Variants in SCAPER observed in about 807,000 individuals in gnomAD.
SCAPER encodes the protein S phase cyclin A-associated protein in the endoplasmic reticulum.
In SCAPER, 98 loss-of-function variants were observed where a neutral mutation model predicts 182.2. That is an observed-to-expected ratio of 0.54 (90% CI 0.46 to 0.64). The LOEUF (loss-of-function observed/expected upper bound fraction) is 0.64, where lower values mean the gene tolerates loss of function less well. Ranked by LOEUF, SCAPER falls within the 30% of genes least tolerant of loss-of-function variation. The probability of loss-of-function intolerance (pLI) is 0.00; values close to 1 mark genes in which losing one functional copy is unlikely to be tolerated. For synonymous variants in SCAPER, 605 were observed against 564.6 expected, an observed-to-expected ratio of 1.07 and a Z score of -1.01; for missense variants, 1,432 against 1,690.0, an observed-to-expected ratio of 0.85 and a Z score of 2.68.
chr15:76,600,765 T>A lies in SCAPER; in HGVS notation c.2711+20999A>T, dbSNP rs1331092005. 4.1e-5 allele frequency among the ~76,000 whole-genome samples: 5 copies of A among 120,904 alleles called. 1 individual carries two copies. The highest frequency in any genetic ancestry group is 2.5e-4 in the South Asian group (1 of 3,960). The allele number at this position is 120,904 out of a possible 152,430, so 79.3% of individuals were successfully genotyped here. A position where few individuals can be genotyped will look rare whatever the true frequency, so the allele number is the denominator to read the frequency against. On this transcript the variant is annotated intron_variant, in intron 22 of 31. Coordinates refer to ENST00000563290, the MANE Select transcript of SCAPER (RefSeq NM_020843.4). Reference sequence around the variant, plus strand: ...GCGCCCCACCCAGAAAGTATTTTTTTAAAATAATTCTAAATCACTCTTGGA... The same window carrying A: ...GCGCCCCACCCAGAAAGTATTTTTTAAAAATAATTCTAAATCACTCTTGGA...
intron 8 of SCAPER, among the ~76,000 whole-genome samples, chr15:76,782,661 T>A (rs1444947026): frequency 1.3e-5 from 2 of 151,880 alleles, no homozygotes; most frequent in Non-Finnish European, 1.5e-5. Flanking sequence ...TGTAAAAGGA[T>A]AAAAATCACA....
chr15:76,353,580 A>G (rs575646277), intron 30 of SCAPER, among the ~76,000 whole-genome samples: 1 of 152,358 alleles, frequency 6.6e-6, no homozygotes, highest in Admixed American at 6.5e-5. Flanking sequence ...ATTTTAATTC[A>G]TCTTTCTTCA....
At chr15:76,837,964 T>C (rs898445097) in intron 5 of SCAPER, among the ~76,000 whole-genome samples, 1 of 152,188 alleles carries the variant, frequency 6.6e-6, no homozygotes, top group Non-Finnish European at 1.5e-5. Flanking sequence ...AATGTAAATT[T>C]GTTCAGCCAC....
intron 22 of SCAPER, among the ~76,000 whole-genome samples, chr15:76,608,181 A>G (rs181808044): frequency 1.3e-5 from 2 of 152,178 alleles, no homozygotes; most frequent in Admixed American, 6.5e-5. Flanking sequence ...ATGGTGACGT[A>G]CAGATGGGTT....
intron 29 of SCAPER, among the ~76,000 whole-genome samples, chr15:76,371,047 A>C (rs1044167564): frequency 6.6e-6 from 1 of 152,206 alleles, no homozygotes; most frequent in Non-Finnish European, 1.5e-5. Context: ...AAGCAACGTA[A>C]GATGAAATGA....
intron 14 of SCAPER, among the ~76,000 whole-genome samples, chr15:76,755,426 A>G (rs1389024789): frequency 1.3e-5 from 2 of 152,186 alleles, no homozygotes; most frequent in Non-Finnish European, 2.9e-5. Flanking sequence ...ATTTCTCCCA[A>G]ATTTAAATCA....
intron 21 of SCAPER, among the ~76,000 whole-genome samples, chr15:76,661,700 T>C (rs929349064): frequency 1.3e-5 from 2 of 152,106 alleles, no homozygotes; most frequent in African/African-American, 2.4e-5. Context: ...GGGGAGGCTG[T>C]GAAGAAATAG....
At chr15:76,348,947 C>T (rs2040351462) in intron 31 of SCAPER, 1 of 384,174 alleles carries the variant, frequency 2.6e-6, no homozygotes, top group African/African-American at 2.1e-5. Flanking sequence ...TAACCACAAT[C>T]CAGTTTGTCC....
chr15:76,497,177 A>G (rs894157271), intron 24 of SCAPER, among the ~76,000 whole-genome samples: 2 of 146,368 alleles, frequency 1.4e-5, no homozygotes, highest in African/African-American at 5.1e-5. Context: ...ATAGTCCTGT[A>G]ATGGCCATCC....
chr15:76,546,498 T>C lies in SCAPER; in HGVS notation c.2838+27660A>G, dbSNP rs537020386. ...AGCCATCATGTCTGACCATGCTTTA[T>C]TGTTTTTTAAAAAGAAATAAAACAG... On this transcript the variant is annotated intron_variant, in intron 23 of 31. Transcript: ENST00000563290. Among the ~76,000 whole-genome samples the C allele has an allele frequency of 7.4e-4, 113 of 152,148 alleles. 1 individual carries two copies. Among genetic ancestry groups the C allele is most frequent in the Non-Finnish European group, 2.2e-4 (15 of 68,006 alleles).
At chr15:76,562,239 G>A (rs2046699887) in intron 23 of SCAPER, among the ~76,000 whole-genome samples, 1 of 151,332 alleles carries the variant, frequency 6.6e-6, no homozygotes, top group South Asian at 2.1e-4. Context: ...TCTTTACTTT[G>A]GGATGGGATA....
intron 1 of SCAPER, among the ~76,000 whole-genome samples, chr15:76,896,640 G>A (rs2074445586): frequency 6.6e-6 from 1 of 152,050 alleles, no homozygotes; most frequent in Non-Finnish European, 1.5e-5. Context: ...ACCTGGCACA[G>A]TGGTTCATGC....
intron 5 of SCAPER, among the ~76,000 whole-genome samples, chr15:76,812,606 A>T (rs1201637923): frequency 6.6e-6 from 1 of 152,122 alleles, no homozygotes; most frequent in Non-Finnish European, 1.5e-5. Flanking sequence ...TCGGAAACAT[A>T]AAGAGGGACA....
chr15:76,684,711 G>A (rs1206100752), intron 20 of SCAPER, among the ~76,000 whole-genome samples: 1 of 151,710 alleles, frequency 6.6e-6, no homozygotes, highest in Non-Finnish European at 1.5e-5. Context: ...TAACTTTGCA[G>A]AAGAGACTAA....
chr15:76,678,023 T>C (rs2057466873), intron 20 of SCAPER, among the ~76,000 whole-genome samples: 1 of 152,056 alleles, frequency 6.6e-6, no homozygotes, highest in African/African-American at 2.4e-5. Flanking sequence ...TTCCATAAAA[T>C]GTGGCACAAT....
chr15:76,873,559 C>T (rs2072934545), intron 2 of SCAPER, among the ~76,000 whole-genome samples: 1 of 151,856 alleles, frequency 6.6e-6, no homozygotes, highest in Non-Finnish European at 1.5e-5. Flanking sequence ...TAATAATGTA[C>T]AAGTAAAATT....
intron 20 of SCAPER, among the ~76,000 whole-genome samples, chr15:76,695,156 G>A (rs949188250): frequency 6.6e-6 from 1 of 152,140 alleles, no homozygotes; most frequent in South Asian, 2.1e-4. Context: ...AGCTACTAGT[G>A]TAACTCTAAG....
chr15:76,574,475 T>C (rs894121565), intron 22 of SCAPER, among the ~76,000 whole-genome samples, 191 bp from the exon 23 acceptor site: 2 of 152,194 alleles, frequency 1.3e-5, no homozygotes, highest in Admixed American at 1.3e-4. Context: ...ACCAATTCAT[T>C]CTTCATGGCA....
At chr15:76,374,735 C>T (rs1406324991) in intron 29 of SCAPER, among the ~76,000 whole-genome samples, 1 of 151,738 alleles carries the variant, frequency 6.6e-6, no homozygotes, top group Non-Finnish European at 1.5e-5. Context: ...GATCCACCTG[C>T]CTCGGCTTCC....
Sources: gnomAD v4.1 joint callset for allele counts (sites outside exome capture counted in the v4.1 genomes callset) on GRCh38, gnomAD v4.1.1 for gene constraint, MANE v1.5 for transcripts, NCBI Gene and HGNC (gene_info 2026-07-23, HGNC 2026-07-21) for gene names.